Variants in ZNF605 observed in about 807,000 individuals in gnomAD.
ZNF605 encodes zinc finger protein 605.
ZNF605 carries 9 observed loss-of-function variants against 7.9 expected under a neutral mutation model. That is an observed-to-expected ratio of 1.14 (90% CI 0.68 to 1.98). The LOEUF (loss-of-function observed/expected upper bound fraction) is 1.98. Among genes scored for constraint, ZNF605 ranks in the 30% most tolerant of loss-of-function variants. The pLI is 0.00. For synonymous variants in ZNF605, 255 were observed against 260.1 expected, an observed-to-expected ratio of 0.98 and a Z score of 0.19; for missense variants, 673 against 762.4, an observed-to-expected ratio of 0.88 and a Z score of 1.38.
chr12:132,943,658 T>C (rs1952468806), intron 3 of ZNF605, among the ~76,000 whole-genome samples: 1 of 152,188 alleles, frequency 6.6e-6, no homozygotes. Context: ...TTTGACTCAG[T>C]ACCTGGTACT....
chr12:132,934,364 G>A (rs1952339401), intron 3 of ZNF605, among the ~76,000 whole-genome samples: 1 of 152,004 alleles, frequency 6.6e-6, no homozygotes, highest in Non-Finnish European at 1.5e-5. Context: ...GTAAGAACTG[G>A]CCAGCTATTT....
chr12:132,925,848 T>C lies in ZNF605; in HGVS notation c.1451A>G (p.Lys484Arg). Residue 484 changes from lysine to arginine, a missense_variant, in exon 5 of 5, where the codon AAA (lysine) becomes AGA (arginine). Coordinates refer to ENST00000360187, the MANE Select transcript of ZNF605 (RefSeq NM_183238.4). ...EKPYECSECRKTFSEKSSLIH... is the reference protein window; with the variant it reads ...EKPYECSECRRTFSEKSSLIH... ...GAGACTTGACTTCTCACTGAAGGTT[T>C]TCCTGCATTCACTGCATTCATAGGG... The C allele has an allele frequency of 6.2e-7, 1 of 1,614,190 alleles. No homozygotes were observed. The highest frequency in any genetic ancestry group is 2.2e-5 in the East Asian group (1 of 44,882).
At chr12:132,939,522 T>C (rs1329981447) in intron 3 of ZNF605, among the ~76,000 whole-genome samples, 2,134 of 152,202 alleles carry the variant, frequency 0.014, 47 homozygotes, top group African/African-American at 0.049. Flanking sequence ...GGAGAACCTG[T>C]GTGTGGAAAC....
intron 4 of ZNF605, among the ~76,000 whole-genome samples, chr12:132,931,140 A>T (rs1448811074): frequency 6.6e-6 from 1 of 152,118 alleles, no homozygotes; most frequent in African/African-American, 2.4e-5. Flanking sequence ...TGACTGCGCC[A>T]CTGTACTCCA....
chr12:132,951,499 A>C (rs1392093337), intron 1 of ZNF605, among the ~76,000 whole-genome samples: 1 of 150,786 alleles, frequency 6.6e-6, no homozygotes, highest in Non-Finnish European at 1.5e-5. Flanking sequence ...TCACATATAC[A>C]CACACACGTA....
rs1952256019 is a variant in ZNF605, at chr12:132,927,253, G to A, written c.137-91C>T. The A allele has an allele frequency of 7.0e-5, 65 of 931,922 alleles. 1 individual carries two copies. In the South Asian group the frequency reaches 1.6e-3, roughly 22 times the overall value. 57.7% of individuals were successfully genotyped at this position (931,922 alleles called of 1,614,324 possible). Reference sequence around the variant, plus strand: ...CTTCTGAAATGGCGCCATAATCCCAGTTTTTAAAATTCCCTCAAATAATGT... The same window carrying A: ...CTTCTGAAATGGCGCCATAATCCCAATTTTTAAAATTCCCTCAAATAATGT... On this transcript the variant is annotated intron_variant, in intron 4 of 4. Coordinates refer to ENST00000360187, the MANE Select transcript of ZNF605 (RefSeq NM_183238.4).
chr12:132,935,138 A>G (rs945393117), intron 3 of ZNF605, among the ~76,000 whole-genome samples: 1 of 152,170 alleles, frequency 6.6e-6, no homozygotes, highest in Non-Finnish European at 1.5e-5. Context: ...CTTCAGCTGG[A>G]CTCAAGTAAA....
In ZNF605 at chr12:132,926,793, T is replaced by C. The variant is rs1952252406; in HGVS notation, c.506A>G (p.Tyr169Cys). ...AAATCTGCCACATTCCATGCATAAA[T>C]AGACTCCTGTGTGTGTTATGTGATT... is the stretch of plus-strand genomic sequence containing the variant. ...TANHITHTGV[Y>C]LCMECGRFFN... Residue 169 changes from tyrosine to cysteine, a missense_variant, in exon 5 of 5, where the codon TAT (tyrosine) becomes TGT (cysteine). Physicochemically the swap from Tyr to Cys is radical, Grantham distance 194. Coordinates refer to ENST00000360187, the MANE Select transcript of ZNF605 (RefSeq NM_183238.4). 6.2e-7 allele frequency: 1 copy of C among 1,614,140 alleles called. No individual in the cohort carries two copies. Among genetic ancestry groups the C allele is most frequent in the East Asian group, 2.2e-5 (1 of 44,884 alleles).
Position 132,951,598 on chromosome 12 carries a change from GAC to G in ZNF605, c.-285-3330_-285-3329del, listed in dbSNP as rs778301886. 4.2e-4 allele frequency among the ~76,000 whole-genome samples: 55 copies of G among 130,290 alleles called. 1 individual carries two copies. The highest frequency in any genetic ancestry group is 6.4e-4 in the Non-Finnish European group (37 of 57,728). The allele number at this position is 130,290 out of a possible 152,430, so 85.5% of individuals were successfully genotyped here. A position where few individuals can be genotyped will look rare whatever the true frequency, so the allele number is the denominator to read the frequency against. On this transcript the variant is annotated intron_variant, in intron 1 of 4. Transcript: ENST00000360187. ...ATACACACAGACATGCACACACTCA[GAC>G]ACAGATACACACGTTCGTATCACAG...
intron 2 of ZNF605, among the ~76,000 whole-genome samples, chr12:132,947,234 C>A (rs959188079): frequency 6.6e-6 from 1 of 152,122 alleles, no homozygotes; most frequent in Non-Finnish European, 1.5e-5. Context: ...AGGCTAGTCT[C>A]GAACTCCTGA....
chr12:132,926,502 G>C lies in ZNF605; in HGVS notation c.797C>G (p.Ser266Trp). ...CGTTATCTGATGTCTTTTAAGCTGC[G>C]ACTTCCTACTGAAGGCTTTTCCACA... Reference protein sequence around the residue: ...SECGKAFSRKSQLKRHQITHT... With the variant: ...SECGKAFSRKWQLKRHQITHT... Residue 266 changes from serine to tryptophan, a missense_variant, in exon 5 of 5, where the codon TCG becomes TGG. Ser to Trp is a radical substitution (Grantham distance 177). Coordinates refer to ENST00000360187, the MANE Select transcript of ZNF605 (RefSeq NM_183238.4). 6.2e-7 allele frequency: 1 copy of C among 1,614,130 alleles called. No individual in the cohort carries two copies. Among genetic ancestry groups the C allele is most frequent in the South Asian group, 1.1e-5 (1 of 91,070 alleles).
intron 3 of ZNF605, among the ~76,000 whole-genome samples, chr12:132,940,023 C>T (rs905295854): frequency 2.6e-5 from 4 of 152,150 alleles, no homozygotes; most frequent in African/African-American, 9.7e-5. Context: ...AGACTCCAGA[C>T]GCGCCACCCG....
intron 4 of ZNF605, among the ~76,000 whole-genome samples, chr12:132,932,423 T>G (rs964974746): frequency 6.6e-6 from 1 of 152,180 alleles, no homozygotes; most frequent in African/African-American, 2.4e-5. Flanking sequence ...TATGAATTCA[T>G]AAAGAGAGCC....
In ZNF605 at chr12:132,926,381, C is replaced by T; in HGVS notation, c.918G>A (p.Glu306=). The change falls in exon 5 of 5, where the codon GAG becomes GAA. Residue 306 remains glutamate (E), a synonymous_variant. Transcript: ENST00000360187. ...LITHQRAHTG[E]KPYPCSHCGK... ...CACAGTGACTACATGGATAGGGTTTCTCTCCTGTGTGCGCTCTCTGATGTG... is the reference window on the plus strand; with the variant it reads ...CACAGTGACTACATGGATAGGGTTTTTCTCCTGTGTGCGCTCTCTGATGTG... 1 of 1,614,198 alleles carries T rather than the reference C, an allele frequency of 6.2e-7. No individual in the cohort carries two copies.
At chr12:132,932,027 A>T (rs1952313336) in intron 4 of ZNF605, among the ~76,000 whole-genome samples, 2 of 152,214 alleles carry the variant, frequency 1.3e-5, no homozygotes. Context: ...TGGGTCAAGC[A>T]ATCCTCCCAC....
rs1022271989 is a variant in ZNF605 at position 132,928,517 on chromosome 12, A to T, written c.137-1355T>A. 2.9e-3 allele frequency among the ~76,000 whole-genome samples: 448 copies of T among 152,302 alleles called. 3 individuals are homozygous for T. The highest frequency in any genetic ancestry group is 0.01 in the African/African-American group (434 of 41,560). On this transcript the variant is annotated intron_variant, in intron 4 of 4. Transcript: ENST00000360187. ...ATGCTATCACTGGAAATTACTCCTAACCACAATAATTTTTTTATAATAGTA... is the reference window on the plus strand; with the variant it reads ...ATGCTATCACTGGAAATTACTCCTATCCACAATAATTTTTTTATAATAGTA...
intron 4 of ZNF605, among the ~76,000 whole-genome samples, chr12:132,930,207 T>C (rs2137129519): frequency 6.6e-6 from 1 of 152,254 alleles, no homozygotes; most frequent in Non-Finnish European, 1.5e-5. Flanking sequence ...ATTTTTAATA[T>C]CCTTCTTGTA....
Position 132,925,567 on chromosome 12 carries a change from T to G in ZNF605, c.1732A>C (p.Ile578Leu). ...KAFFEKAQLI[I>L]HQRIHTGERP... ...TCTCCTGTATGAATTCTCTGATGTA[T>G]AATCAGCTGTGCCTTCTCAAAGAAA... is the stretch of plus-strand genomic sequence containing the variant. The change falls in exon 5 of 5, where the codon ATA becomes CTA. Residue 578 changes from isoleucine to leucine, a missense_variant. Transcript: ENST00000360187. The G allele has an allele frequency of 1.2e-6, 2 of 1,614,206 alleles. No homozygotes were observed. Among genetic ancestry groups the G allele is most frequent in the African/African-American group, 1.3e-5 (1 of 75,062 alleles).
chr12:132,945,267 A>T, intron 3 of ZNF605: 3 of 751,680 alleles, frequency 4.0e-6, no homozygotes, highest in Non-Finnish European at 6.7e-6. Context: ...CCCAGCTGAG[A>T]CTTTTGTATG....
Sources: gnomAD v4.1 joint callset for allele counts (sites outside exome capture counted in the v4.1 genomes callset) on GRCh38, gnomAD v4.1.1 for gene constraint, MANE v1.5 for transcripts, NCBI Gene and HGNC (gene_info 2026-07-23, HGNC 2026-07-21) for gene names.